The following BMP7 variants were observed in gnomAD, a reference collection of about 807,000 sequenced individuals.
BMP7 encodes the protein bone morphogenetic protein 7.
A neutral mutation model predicts 41.2 loss-of-function variants in BMP7; 12 were observed. The ratio of observed to expected loss-of-function variants is 0.29; its 90% CI spans 0.19 to 0.47. The LOEUF (loss-of-function observed/expected upper bound fraction) is 0.47, where lower values mean the gene tolerates loss of function less well. BMP7 is among the 20% of genes least tolerant of loss of function. BMP7 has a pLI of 0.99. For missense variants in BMP7, 467 were observed against 606.0 expected (o/e 0.77, Z 2.41); for synonymous variants, 248 against 250.0 (o/e 0.99, Z 0.07).
intron 2 of BMP7, among the ~76,000 whole-genome samples, chr20:57,227,561 G>A (rs910651414): frequency 2.0e-5 from 3 of 152,116 alleles, no homozygotes; most frequent in Non-Finnish European, 4.4e-5. Flanking sequence ...CAGTGGGGAC[G>A]GTAGATGTCT....
chr20:57,173,433 G>GC, intron 5 of BMP7, 123 bp from the exon 6 acceptor site: 1 of 923,984 alleles, frequency 1.1e-6, no homozygotes, highest in East Asian at 2.6e-5. Context: ...CTCAGACCAT[G>GC]CCTTCTGAGC....
chr20:57,238,784 T>A (rs962917749), intron 1 of BMP7, among the ~76,000 whole-genome samples: 1 of 151,906 alleles, frequency 6.6e-6, no homozygotes, highest in Non-Finnish European at 1.5e-5. Flanking sequence ...AAAAGGCACT[T>A]CTTACATGGC....
chr20:57,257,711 G>A (rs1287131926), intron 1 of BMP7, among the ~76,000 whole-genome samples: 1 of 151,184 alleles, frequency 6.6e-6, no homozygotes, highest in Admixed American at 6.6e-5. Flanking sequence ...ACCAATATCT[G>A]AGCACCTTCT....
intron 2 of BMP7, among the ~76,000 whole-genome samples, chr20:57,205,867 A>G (rs1984717583): frequency 6.6e-6 from 1 of 152,192 alleles, no homozygotes; most frequent in African/African-American, 2.4e-5. Flanking sequence ...TTCAAGTCAT[A>G]GTTTGCAATT....
At chr20:57,217,218 C>T (rs1051210087) in intron 2 of BMP7, among the ~76,000 whole-genome samples, 1 of 147,490 alleles carries the variant, frequency 6.8e-6, no homozygotes, top group African/African-American at 2.5e-5. Context: ...CCTGTGGGTT[C>T]AACCCCAGAG....
intron 3 of BMP7, among the ~76,000 whole-genome samples, chr20:57,198,421 C>T (rs1302877528): frequency 6.6e-6 from 1 of 152,158 alleles, no homozygotes; most frequent in African/African-American, 2.4e-5. Context: ...AAGGGAAAGA[C>T]AAACAGACTC....
At chr20:57,192,806 A>T (rs1468279343) in intron 3 of BMP7, among the ~76,000 whole-genome samples, 1 of 152,056 alleles carries the variant, frequency 6.6e-6, no homozygotes, top group Non-Finnish European at 1.5e-5. Flanking sequence ...TTTCAGATAA[A>T]CATATAATGT....
Position 57,171,211 on chromosome 20 carries a change from G to A in BMP7, c.1147-103C>T. On this transcript the variant is annotated intron_variant, in intron 6 of 6. Coordinates refer to ENST00000395863, the MANE Select transcript of BMP7 (RefSeq NM_001719.3). This position sits in a 1 kb window ranked among gnomAD's most constrained non-coding sequence, Gnocchi z 4.5. ...AACATCCTGTCTGGGCATAATGAAT[G>A]ACTGCAGGTGACACTCCCCAAGCCA... is the stretch of plus-strand genomic sequence containing the variant. 6 of 1,499,710 alleles carry A rather than the reference G, an allele frequency of 4.0e-6. No individual in the cohort carries two copies. Among genetic ancestry groups the A allele is most frequent in the African/African-American group, 1.4e-5 (1 of 72,680 alleles). The allele number at this position is 1,499,710 out of a possible 1,614,324, so 92.9% of individuals were successfully genotyped here. A position where few individuals can be genotyped will look rare whatever the true frequency, so the allele number is the denominator to read the frequency against.
At chr20:57,188,524 C>T (rs1190443355) in intron 3 of BMP7, among the ~76,000 whole-genome samples, 1 of 147,756 alleles carries the variant, frequency 6.8e-6, no homozygotes. Context: ...AATGGGATGG[C>T]TGCACAACAA....
At chr20:57,227,715 T>G (rs1568722615) in intron 2 of BMP7, among the ~76,000 whole-genome samples, 1 of 152,314 alleles carries the variant, frequency 6.6e-6, no homozygotes, top group African/African-American at 2.4e-5. Context: ...ACCTTGAAAT[T>G]AATGGATCTC....
chr20:57,237,459 G>A (rs1474934066), intron 1 of BMP7, among the ~76,000 whole-genome samples: 1 of 152,206 alleles, frequency 6.6e-6, no homozygotes, highest in African/African-American at 2.4e-5. Flanking sequence ...GCTGTTAGGA[G>A]GCAGTTTACG....
intron 2 of BMP7, among the ~76,000 whole-genome samples, chr20:57,204,544 T>C (rs1287479352): frequency 1.3e-5 from 2 of 152,182 alleles, no homozygotes; most frequent in African/African-American, 4.8e-5. Context: ...CCGAGGCAGG[T>C]GCGAGGGCAC....
intron 2 of BMP7, among the ~76,000 whole-genome samples, chr20:57,207,530 G>C (rs916311646): frequency 2.0e-5 from 3 of 152,188 alleles, no homozygotes; most frequent in African/African-American, 7.2e-5. Context: ...GTTTATAACA[G>C]AAAAACTGAG....
Position 57,174,899 on chromosome 20 carries a change from C to T in BMP7, c.1035+32G>A. The T allele has an allele frequency of 6.2e-7, 1 of 1,602,078 alleles. No homozygotes were observed. Among genetic ancestry groups the T allele is most frequent in the Non-Finnish European group, 8.5e-7 (1 of 1,176,652 alleles). On this transcript the variant is annotated intron_variant, in intron 5 of 6. Transcript: ENST00000395863. The surrounding 1 kb of genome is among the most constrained non-coding windows in gnomAD (Gnocchi z 4.3). Reference sequence around the variant, plus strand: ...TCGTGGGAGCCCACGCCAGAGGGCCCACACCCAAGACAGACCCAGCCAGCC... The same window carrying T: ...TCGTGGGAGCCCACGCCAGAGGGCCTACACCCAAGACAGACCCAGCCAGCC...
Position 57,169,170 on chromosome 20 carries a change from CCCAAGCTACT to C in BMP7, c.*1779_*1788del, listed in dbSNP as rs546544297. 4.6e-4 allele frequency: 70 copies of C among 152,250 alleles called. No individual in the cohort carries two copies. Among genetic ancestry groups the C allele is most frequent in the African/African-American group, 1.5e-3 (62 of 41,552 alleles). 9.4% of individuals were successfully genotyped at this position (152,250 alleles called of 1,614,324 possible). A position where few individuals can be genotyped will look rare whatever the true frequency, so the allele number is the denominator to read the frequency against. On this transcript the variant is annotated 3_prime_UTR_variant, in exon 7 of 7. Transcript: ENST00000395863. ...AGTGACTAGAGAGTGGAGGCTGCAGCCCAAGCTACTAAAGAAGAAAAACATCAAAGAAAAT... is the reference window on the plus strand; with the variant it reads ...AGTGACTAGAGAGTGGAGGCTGCAGCAAAGAAGAAAAACATCAAAGAAAAT...
intron 4 of BMP7, among the ~76,000 whole-genome samples, chr20:57,181,989 A>T (rs73287952): frequency 0.02 from 2,977 of 152,258 alleles, 103 homozygotes; most frequent in African/African-American, 0.069. Flanking sequence ...TGCCCTGCTC[A>T]TTGCAAATGG....
At chr20:57,173,372 C>A (rs1217618418) in intron 5 of BMP7, 62 bp from the exon 6 acceptor site, 2 of 1,501,166 alleles carry the variant, frequency 1.3e-6, no homozygotes, top group Non-Finnish European at 1.8e-6. Flanking sequence ...CATCCCAACC[C>A]CCATGCTGGC....
intron 3 of BMP7, among the ~76,000 whole-genome samples, chr20:57,199,892 C>T (rs115673626): frequency 0.02 from 3,012 of 152,314 alleles, 99 homozygotes; most frequent in African/African-American, 0.068. Flanking sequence ...GCCCCCAGGG[C>T]CCTGCCCAGG....
At chr20:57,207,255 G>A (rs1370242051) in intron 2 of BMP7, among the ~76,000 whole-genome samples, 3 of 152,190 alleles carry the variant, frequency 2.0e-5, no homozygotes, top group Admixed American at 6.5e-5. Context: ...GGAGGGGAAG[G>A]AGGCACAGGT....
Sources: gnomAD v4.1 joint callset for allele counts (sites outside exome capture counted in the v4.1 genomes callset) on GRCh38, gnomAD v4.1.1 for gene constraint, Gnocchi (gnomAD v3.1) non-coding constraint, MANE v1.5 for transcripts, NCBI Gene and HGNC (gene_info 2026-07-23, HGNC 2026-07-21) for gene names.